The following SLC30A7 variants were observed in gnomAD, a reference collection of about 807,000 sequenced individuals.
SLC30A7 encodes zinc transporter 7.
A neutral mutation model predicts 46.0 loss-of-function variants in SLC30A7; 35 were observed. That is an observed-to-expected ratio of 0.76 (90% CI 0.58 to 1.01). The LOEUF (loss-of-function observed/expected upper bound fraction) is 1.01. Ranked by LOEUF, SLC30A7 falls within the 50% of genes least tolerant of loss-of-function variation. SLC30A7 has a pLI of 0.00. For synonymous variants in SLC30A7, 147 were observed against 157.8 expected, an observed-to-expected ratio of 0.93 and a Z score of 0.51; for missense variants, 464 against 451.1, an observed-to-expected ratio of 1.03 and a Z score of -0.26.
At chr1:100,985,980 A>G (rs1657242209), downstream of SLC30A7, among the ~76,000 whole-genome samples, 1 of 152,228 alleles carries the variant, frequency 6.6e-6, no homozygotes, top group South Asian at 2.1e-4. Flanking sequence ...CACCATATGG[A>G]AACAATCCAA....
chr1:100,915,730 GT>G (rs894860723), intron 6 of SLC30A7, among the ~76,000 whole-genome samples: 2 of 152,154 alleles, frequency 1.3e-5, no homozygotes, highest in African/African-American at 4.8e-5. Context: ...GAATAATGCT[GT>G]AGTGAATACG....
rs538476726 is a variant in SLC30A7 at position 100,904,072 on chromosome 1, G to T, written c.183-2780G>T. Among the ~76,000 whole-genome samples the T allele has an allele frequency of 1.3e-4, 19 of 151,794 alleles. No individual in the cohort carries two copies. The South Asian group carries it at 3.9e-3, about 31-fold the overall frequency. On this transcript the variant is annotated intron_variant, in intron 2 of 10. Transcript: ENST00000357650. ...TTAACTCAATTATTATAACAATTAT[G>T]ACACTTTTATACTATACTCTATTGA...
At chr1:100,990,264 T>G in the SLC30A7 span, 3 of 705,594 alleles carry the variant, frequency 4.3e-6, no homozygotes, top group Non-Finnish European at 7.2e-6. Flanking sequence ...TGAGGGAAAC[T>G]GCCCCCATGA....
intron 10 of SLC30A7, among the ~76,000 whole-genome samples, chr1:100,969,067 A>G (rs1175205780): frequency 6.6e-6 from 1 of 152,186 alleles, no homozygotes; most frequent in Non-Finnish European, 1.5e-5. Context: ...ATTAGGATTT[A>G]CTCCAGTGCT....
chr1:100,978,865 A>G lies in SLC30A7; in HGVS notation c.*4008A>G, dbSNP rs1656729914. ...AGTTCCTGACATTTTAAAAAACAAT[A>G]TCTGTAAAATGGATCCTTTTATGAG... On this transcript the variant is annotated 3_prime_UTR_variant, in exon 11 of 11. Coordinates refer to ENST00000357650, the MANE Select transcript of SLC30A7 (RefSeq NM_133496.5). The G allele has an allele frequency of 6.6e-6, 1 of 152,194 alleles. No homozygotes were observed. Among genetic ancestry groups the G allele is most frequent in the African/African-American group, 2.4e-5 (1 of 41,458 alleles). The allele number at this position is 152,194 out of a possible 1,614,324, so 9.4% of individuals were successfully genotyped here.
chr1:100,929,369 C>G (rs1409968945), intron 8 of SLC30A7, among the ~76,000 whole-genome samples: 1 of 151,682 alleles, frequency 6.6e-6, no homozygotes, highest in Non-Finnish European at 1.5e-5. Flanking sequence ...AGAAAACAAA[C>G]TGAATTTATT....
At chr1:100,991,210 T>A in the SLC30A7 span, among the ~76,000 whole-genome samples, 3 of 152,336 alleles carry the variant, frequency 2.0e-5, no homozygotes, top group African/African-American at 7.2e-5. Flanking sequence ...AATGAGCATT[T>A]GGCACTATTT....
intron 2 of SLC30A7, among the ~76,000 whole-genome samples, chr1:100,905,885 G>A (rs979927853): frequency 6.6e-6 from 1 of 151,946 alleles, no homozygotes; most frequent in African/African-American, 2.4e-5. Flanking sequence ...GCCATTTCTG[G>A]TTCTGTTGAC....
At chr1:100,908,349 A>C (rs950313640) in intron 3 of SLC30A7, among the ~76,000 whole-genome samples, 1 of 152,178 alleles carries the variant, frequency 6.6e-6, no homozygotes, top group African/African-American at 2.4e-5. Flanking sequence ...CTAATGATGT[A>C]AAAATGATCT....
chr1:100,937,562 A>G (rs1654047744), intron 8 of SLC30A7, among the ~76,000 whole-genome samples: 2 of 152,070 alleles, frequency 1.3e-5, no homozygotes, highest in African/African-American at 2.4e-5. Context: ...GCATTTCCCT[A>G]ATGATTACTG....
intron 8 of SLC30A7, among the ~76,000 whole-genome samples, chr1:100,945,868 T>G (rs1180103400): frequency 6.6e-6 from 1 of 152,222 alleles, no homozygotes; most frequent in Non-Finnish European, 1.5e-5. Context: ...ATCTATAAAT[T>G]ACCTTGGGCA....
downstream of SLC30A7, among the ~76,000 whole-genome samples, chr1:100,983,255 T>C (rs1657052009): frequency 6.6e-6 from 1 of 151,756 alleles, no homozygotes; most frequent in African/African-American, 2.4e-5. Context: ...GTTCAATAGA[T>C]ATAGACAGAA....
the SLC30A7 span, among the ~76,000 whole-genome samples, chr1:100,992,167 G>A: frequency 6.6e-6 from 1 of 151,072 alleles, no homozygotes; most frequent in Non-Finnish European, 1.5e-5. Flanking sequence ...ACCACACACT[G>A]TGTCTACATA....
chr1:100,960,064 T>G (rs1162395798), intron 8 of SLC30A7, among the ~76,000 whole-genome samples: 1 of 152,200 alleles, frequency 6.6e-6, no homozygotes, highest in Non-Finnish European at 1.5e-5. Context: ...TCTTGGTTCT[T>G]AAATCACTAT....
intron 2 of SLC30A7, among the ~76,000 whole-genome samples, chr1:100,900,045 T>C (rs1348186917): frequency 6.6e-6 from 1 of 152,078 alleles, no homozygotes; most frequent in Non-Finnish European, 1.5e-5. Context: ...TAACCTGTCA[T>C]CTTCTATAGT....
intron 8 of SLC30A7, among the ~76,000 whole-genome samples, chr1:100,953,463 C>T (rs1227711781): frequency 6.6e-6 from 1 of 152,118 alleles, no homozygotes; most frequent in Non-Finnish European, 1.5e-5. Flanking sequence ...TTTTGATAGT[C>T]TTAACAAGTA....
chr1:100,988,767 TTG>T, the SLC30A7 span, among the ~76,000 whole-genome samples: 13 of 151,998 alleles, frequency 8.6e-5, no homozygotes, highest in African/African-American at 3.1e-4. Context: ...GGATAATCGC[TTG>T]AACCTGGGAG....
At chr1:100,961,365 A>G (rs1189044716) in intron 8 of SLC30A7, among the ~76,000 whole-genome samples, 1 of 152,208 alleles carries the variant, frequency 6.6e-6, no homozygotes. Context: ...CACCATCCCT[A>G]GAGGAGCTGA....
At chr1:100,939,847 TAA>T (rs573295797) in intron 8 of SLC30A7, among the ~76,000 whole-genome samples, 21 of 137,302 alleles carry the variant, frequency 1.5e-4, no homozygotes, top group African/African-American at 4.5e-4. Flanking sequence ...AGACTCCGTC[TAA>T]AAAAAAAAAA....
Sources: allele counts gnomAD v4.1 joint callset (sites outside exome capture counted in the v4.1 genomes callset), GRCh38; gene constraint gnomAD v4.1.1; transcripts MANE v1.5; gene names NCBI Gene and HGNC (gene_info 2026-07-23, HGNC 2026-07-21).